The following ENPP6 variants were observed in gnomAD, a reference collection of about 807,000 sequenced individuals.
ENPP6 encodes the protein ectonucleotide pyrophosphatase/phosphodiesterase 6, also known as glycerophosphocholine cholinephosphodiesterase ENPP6.
Under a neutral mutation model 42.0 loss-of-function variants are expected in ENPP6, and 32 were observed. The ratio of observed to expected loss-of-function variants is 0.76; its 90% CI spans 0.58 to 1.02. ENPP6 has a LOEUF of 1.02. Among genes scored for constraint, ENPP6 ranks in the 50% least tolerant of loss-of-function variants. The pLI is 0.00. For synonymous variants in ENPP6, 213 were observed against 216.0 expected (o/e 0.99, Z 0.12); for missense variants, 552 against 566.8 (o/e 0.97, Z 0.27).
chr4:184,131,279 C>CTTT lies in ENPP6; in HGVS notation c.422-7008_422-7007insAAA, dbSNP rs796826605. On this transcript the variant is annotated intron_variant, in intron 2 of 7. Coordinates refer to ENST00000296741, the MANE Select transcript of ENPP6 (RefSeq NM_153343.4). The stretch of plus-strand genomic sequence containing the variant: ...CTTTCTCTTCCTTCCTTCCTTCCTT[C>CTTT]CTTCCTTCCTTCCTTCCTTCCTTCC... Among the ~76,000 whole-genome samples, 28 of 101,488 alleles carry CTTT rather than the reference C, an allele frequency of 2.8e-4. 2 individuals are homozygous for CTTT. Among genetic ancestry groups the CTTT allele is most frequent in the South Asian group, 1.0e-3 (3 of 2,970 alleles). The allele number at this position is 101,488 out of a possible 152,430, so 66.6% of individuals were successfully genotyped here. A position where few individuals can be genotyped will look rare whatever the true frequency, so the allele number is the denominator to read the frequency against.
At chr4:184,189,520 C>T (rs1336737256) in intron 1 of ENPP6, among the ~76,000 whole-genome samples, 1 of 152,184 alleles carries the variant, frequency 6.6e-6, no homozygotes, top group Non-Finnish European at 1.5e-5. Context: ...AATGCTGAAG[C>T]TCCGGTTTGA....
chr4:184,131,651 ATCAC>A (rs1350760525), intron 2 of ENPP6, among the ~76,000 whole-genome samples: 7 of 151,956 alleles, frequency 4.6e-5, no homozygotes, highest in African/African-American at 1.4e-4. Flanking sequence ...GGTGTGAGCC[ATCAC>A]GCCCTGCCTC....
At chr4:184,117,233 C>T (rs765161397) in intron 4 of ENPP6, among the ~76,000 whole-genome samples, 198 bp from the exon 5 acceptor site, 1 of 152,190 alleles carries the variant, frequency 6.6e-6, no homozygotes, top group Non-Finnish European at 1.5e-5. Flanking sequence ...GGCTCAGTCC[C>T]ACTCAATTCG....
At chr4:184,131,629 G>T (rs574952808) in intron 2 of ENPP6, among the ~76,000 whole-genome samples, 1 of 151,728 alleles carries the variant, frequency 6.6e-6, no homozygotes, top group East Asian at 1.9e-4. Context: ...CTCCCAAAGT[G>T]CTGGGATCAC....
At chr4:184,211,287 A>G (rs1400328698) in intron 1 of ENPP6, among the ~76,000 whole-genome samples, 1 of 152,192 alleles carries the variant, frequency 6.6e-6, no homozygotes, top group Non-Finnish European at 1.5e-5. Context: ...CAAAAAATCA[A>G]TGAATCCAGG....
chr4:184,151,542 T>C (rs1373211456), intron 2 of ENPP6, among the ~76,000 whole-genome samples: 2 of 152,128 alleles, frequency 1.3e-5, no homozygotes, highest in African/African-American at 4.8e-5. Flanking sequence ...TGTGAGGGTG[T>C]GTTCTTCAAA....
chr4:184,151,405 G>A (rs1220216644), intron 2 of ENPP6, among the ~76,000 whole-genome samples: 1 of 152,130 alleles, frequency 6.6e-6, no homozygotes, highest in African/African-American at 2.4e-5. Flanking sequence ...TGTGCAATAC[G>A]GCGACTGCCC....
intron 2 of ENPP6, among the ~76,000 whole-genome samples, chr4:184,142,166 C>G (rs1031048229): frequency 9.9e-5 from 15 of 152,212 alleles, no homozygotes; most frequent in African/African-American, 3.4e-4. Context: ...CCAAGGACCG[C>G]CAAGTTGAGC....
rs1206367458 is a variant in ENPP6 at position 184,131,208 on chromosome 4, C to CTTT, written c.422-6939_422-6937dup. Among the ~76,000 whole-genome samples the CTTT allele has an allele frequency of 1.4e-4, 12 of 84,380 alleles. 1 individual carries two copies. The highest frequency in any genetic ancestry group is 1.9e-4 in the Non-Finnish European group (8 of 41,830). The allele number at this position is 84,380 out of a possible 152,430, so 55.4% of individuals were successfully genotyped here. On this transcript the variant is annotated intron_variant, in intron 2 of 7. Coordinates refer to ENST00000296741, the MANE Select transcript of ENPP6 (RefSeq NM_153343.4). Reference sequence around the variant, plus strand: ...TTCTTTCTTTCTTTCTTTCTTCTTTCTTTCTTTCTTTTTCTTTCTTTCTTT... The same window carrying CTTT: ...TTCTTTCTTTCTTTCTTTCTTCTTTCTTTTTTCTTTCTTTTTCTTTCTTTCTTT...
At chr4:184,173,798 A>G (rs1737514926) in intron 1 of ENPP6, among the ~76,000 whole-genome samples, 1 of 152,178 alleles carries the variant, frequency 6.6e-6, no homozygotes, top group Admixed American at 6.5e-5. Flanking sequence ...GGAGGGCATG[A>G]TTCTAGTGCA....
At chr4:184,175,497 A>G (rs1298413925) in intron 1 of ENPP6, among the ~76,000 whole-genome samples, 1 of 152,142 alleles carries the variant, frequency 6.6e-6, no homozygotes, top group African/African-American at 2.4e-5. Context: ...GGCAGATTCT[A>G]TGGCAGAAAA....
chr4:184,094,214 G>A (rs1042756888), intron 7 of ENPP6, among the ~76,000 whole-genome samples: 2 of 152,132 alleles, frequency 1.3e-5, no homozygotes, highest in African/African-American at 2.4e-5. Context: ...AGGAGATGGA[G>A]GCTACAAGTA....
Position 184,153,600 on chromosome 4 carries a change from G to A in ENPP6, c.375C>T (p.Val125=), listed in dbSNP as rs762677980. The A allele has an allele frequency of 2.5e-6, 4 of 1,614,150 alleles. No homozygotes were observed. The Admixed American group carries it at 6.7e-5, about 27-fold the overall frequency. The change falls in exon 2 of 8, where the codon GTC becomes GTT. Residue 125 remains valine (V), a synonymous_variant. Coordinates refer to ENST00000296741, the MANE Select transcript of ENPP6 (RefSeq NM_153343.4). ...LWWNGSEPLW[V]TLTKAKRKVY... Reference sequence around the variant, plus strand: ...CCTTCCTTTTGGCCTTGGTCAGAGTGACCCACAGAGGTTCTGATCCATTCC... The same window carrying A: ...CCTTCCTTTTGGCCTTGGTCAGAGTAACCCACAGAGGTTCTGATCCATTCC...
intron 2 of ENPP6, among the ~76,000 whole-genome samples, chr4:184,132,338 T>C (rs943202579): frequency 6.6e-6 from 1 of 152,224 alleles, no homozygotes; most frequent in African/African-American, 2.4e-5. Context: ...CATATGTTTA[T>C]TGACCATTGG....
intron 2 of ENPP6, among the ~76,000 whole-genome samples, chr4:184,141,795 T>C (rs1253852949): frequency 6.6e-6 from 1 of 152,148 alleles, no homozygotes; most frequent in Non-Finnish European, 1.5e-5. Flanking sequence ...GATGATAAGG[T>C]ATTTCTTCTT....
chr4:184,187,921 G>A (rs571811310), intron 1 of ENPP6, among the ~76,000 whole-genome samples: 115 of 152,300 alleles, frequency 7.6e-4, no homozygotes, highest in African/African-American at 2.6e-3. Flanking sequence ...GTTGAATGAA[G>A]AATGAATGAA....
At chr4:184,113,961 T>TTCTTTCTTTCTC (rs1736271657) in intron 5 of ENPP6, among the ~76,000 whole-genome samples, 1 of 141,076 alleles carries the variant, frequency 7.1e-6, no homozygotes, top group African/African-American at 2.6e-5. Context: ...CTTTCTTTCT[T>TTCTTTCTTTCTC]TCTCTCTTTC....
Position 184,182,792 on chromosome 4 carries a change from G to A in ENPP6, c.242-29059C>T, listed in dbSNP as rs191057379. 1.1e-4 allele frequency among the ~76,000 whole-genome samples: 16 copies of A among 152,316 alleles called. No individual in the cohort carries two copies. The East Asian group carries it at 2.9e-3, about 28-fold the overall frequency. On this transcript the variant is annotated intron_variant, in intron 1 of 7. Transcript: ENST00000296741. The stretch of plus-strand genomic sequence containing the variant: ...AAACACCACATGTTCTCACTTACAA[G>A]TGGGAGCTGAACAATGACAACACAT...
At chr4:184,154,569 G>A (rs1737121054) in intron 1 of ENPP6, among the ~76,000 whole-genome samples, 1 of 151,964 alleles carries the variant, frequency 6.6e-6, no homozygotes, top group Non-Finnish European at 1.5e-5. Flanking sequence ...TTTCTTCTTT[G>A]TTTTACTGTT....
Sources: gnomAD v4.1 joint callset for allele counts (sites outside exome capture counted in the v4.1 genomes callset) on GRCh38, gnomAD v4.1.1 for gene constraint, MANE v1.5 for transcripts, NCBI Gene and HGNC (gene_info 2026-07-23, HGNC 2026-07-21) for gene names.